PLXNA4: variants seen among roughly 807,000 people sequenced by gnomAD.
The protein encoded by PLXNA4 is plexin A4.
Under a neutral mutation model 191.8 loss-of-function variants are expected in PLXNA4, and 44 were observed. The observed-to-expected ratio is 0.23, with a 90% CI of 0.18 to 0.29. The LOEUF is 0.29. PLXNA4 is among the 10% of genes least tolerant of loss of function. The pLI, the probability that PLXNA4 is intolerant of heterozygous loss-of-function variation, is 1.00. For synonymous variants in PLXNA4, 1,082 were observed against 1,009.5 expected, an observed-to-expected ratio of 1.07 and a Z score of -1.36; for missense variants, 1,800 against 2,488.8, an observed-to-expected ratio of 0.72 and a Z score of 5.89.
rs183981628 is a variant in PLXNA4 at position 132,337,198 on chromosome 7, G to A, written c.1372-38976C>T. On this transcript the variant is annotated intron_variant, in intron 3 of 31. Transcript: ENST00000321063. ...AATAATTTCTCCCCCATAAAGGCAGGGAGAATGGCATGAGCCAAAATAGAA... is the reference window on the plus strand; with the variant it reads ...AATAATTTCTCCCCCATAAAGGCAGAGAGAATGGCATGAGCCAAAATAGAA... Among the ~76,000 whole-genome samples the A allele has an allele frequency of 3.5e-4, 53 of 152,342 alleles. 1 individual carries two copies. The highest frequency in any genetic ancestry group is 1.3e-3 in the African/African-American group (52 of 41,574).
intron 3 of PLXNA4, among the ~76,000 whole-genome samples, chr7:132,406,539 C>T (rs1794225667): frequency 6.6e-6 from 1 of 152,188 alleles, no homozygotes; most frequent in Non-Finnish European, 1.5e-5. Context: ...CCTTTGGCCT[C>T]CTAGCTTCAG....
At chr7:132,434,286 T>C (rs990372236) in intron 3 of PLXNA4, among the ~76,000 whole-genome samples, 1 of 152,214 alleles carries the variant, frequency 6.6e-6, no homozygotes, top group African/African-American at 2.4e-5. Flanking sequence ...CATGGTTTTC[T>C]GGCCACCGTA....
chr7:132,478,154 C>T (rs1563122199), intron 3 of PLXNA4, among the ~76,000 whole-genome samples: 1 of 152,044 alleles, frequency 6.6e-6, no homozygotes, highest in Non-Finnish European at 1.5e-5. Flanking sequence ...TTCAGGCCCA[C>T]CTAGGGCATA....
At position 132,181,498 on chromosome 7, in the gene PLXNA4, G is replaced by A; in HGVS notation, c.3375C>T (p.Val1125=). ...PEEFGFILDN[V]QSLLILNKTN... Reference sequence around the variant, plus strand: ...TCTTGTTGAGGATGAGCAGGGACTGGACGTTGTCCAGGATGAAGCCAAACT... The same window carrying A: ...TCTTGTTGAGGATGAGCAGGGACTGAACGTTGTCCAGGATGAAGCCAAACT... The change falls in exon 18 of 32, where the codon GTC becomes GTT. Residue 1125 remains valine (V), a synonymous_variant. Coordinates refer to ENST00000321063, the MANE Select transcript of PLXNA4 (RefSeq NM_020911.2). 6.2e-7 allele frequency: 1 copy of A among 1,614,198 alleles called. No individual in the cohort carries two copies. Among genetic ancestry groups the A allele is most frequent in the Non-Finnish European group, 8.5e-7 (1 of 1,180,042 alleles).
chr7:132,351,602 T>G (rs1415909973), intron 3 of PLXNA4, among the ~76,000 whole-genome samples: 2 of 152,176 alleles, frequency 1.3e-5, no homozygotes, highest in African/African-American at 4.8e-5. Flanking sequence ...ATACCTGCTT[T>G]GAGGTACTTC....
intron 2 of PLXNA4, among the ~76,000 whole-genome samples, chr7:132,493,541 C>T (rs1797885632): frequency 6.6e-6 from 1 of 152,116 alleles, no homozygotes; most frequent in Admixed American, 6.5e-5. Flanking sequence ...CAAATGTCCT[C>T]ATAGAATGCA....
At chr7:132,195,632 GA>G (rs147479866) in intron 13 of PLXNA4, among the ~76,000 whole-genome samples, 18 of 152,132 alleles carry the variant, frequency 1.2e-4, no homozygotes, top group Admixed American at 6.5e-5. Context: ...TATAATGGGG[GA>G]AAAAATCTCA....
At chr7:132,622,244 A>G (rs376383889) in intron 2 of PLXNA4, among the ~76,000 whole-genome samples, 2 of 152,228 alleles carry the variant, frequency 1.3e-5, no homozygotes, top group African/African-American at 4.8e-5. Context: ...GCAGAAATAC[A>G]GAGGAAAGAG....
chr7:132,185,570 C>G, intron 15 of PLXNA4, 107 bp from the exon 16 acceptor site: 1 of 1,450,112 alleles, frequency 6.9e-7, no homozygotes, highest in Non-Finnish European at 9.1e-7. Context: ...TGCTCAGAGG[C>G]CATGGGTGGG....
intron 13 of PLXNA4, among the ~76,000 whole-genome samples, chr7:132,197,298 A>G (rs943103469): frequency 2.6e-5 from 4 of 152,178 alleles, no homozygotes; most frequent in Non-Finnish European, 4.4e-5. Flanking sequence ...TCAATTATTG[A>G]ATGGTATTTC....
chr7:132,525,932 C>T (rs1487451574), intron 1 of PLXNA4, among the ~76,000 whole-genome samples: 1 of 152,184 alleles, frequency 6.6e-6, no homozygotes, highest in African/African-American at 2.4e-5. Flanking sequence ...GTTTCTCAAA[C>T]TTGTTTGACC....
At chr7:132,422,783 C>A (rs1794893384) in intron 3 of PLXNA4, among the ~76,000 whole-genome samples, 1 of 152,236 alleles carries the variant, frequency 6.6e-6, no homozygotes, top group South Asian at 2.1e-4. Flanking sequence ...CTCTCTTAAT[C>A]CTCATAATAT....
chr7:132,196,132 T>C (rs1797247675), intron 13 of PLXNA4, among the ~76,000 whole-genome samples: 1 of 152,246 alleles, frequency 6.6e-6, no homozygotes, highest in African/African-American at 2.4e-5. Context: ...GCCATTATTA[T>C]CCTCATTTTA....
chr7:132,626,890 C>T (rs946782405), intron 2 of PLXNA4, among the ~76,000 whole-genome samples: 1 of 152,130 alleles, frequency 6.6e-6, no homozygotes, highest in Admixed American at 6.5e-5. Flanking sequence ...GAGCCTGCAT[C>T]ACAGAACAAC....
intron 9 of PLXNA4, among the ~76,000 whole-genome samples, chr7:132,221,719 C>T (rs1029331815): frequency 6.6e-6 from 1 of 152,208 alleles, no homozygotes; most frequent in Non-Finnish European, 1.5e-5. Flanking sequence ...AACCACTCTC[C>T]TCCCTTTCCC....
intron 25 of PLXNA4, among the ~76,000 whole-genome samples, chr7:132,158,803 T>C (rs1795866444): frequency 6.6e-6 from 1 of 152,176 alleles, no homozygotes; most frequent in Non-Finnish European, 1.5e-5. Flanking sequence ...CCCATGAGGA[T>C]TTCCCCAGGA....
chr7:132,334,579 TAGAG>T (rs960480851), intron 3 of PLXNA4, among the ~76,000 whole-genome samples: 1 of 152,078 alleles, frequency 6.6e-6, no homozygotes, highest in African/African-American at 2.4e-5. Context: ...TTTCTTACTC[TAGAG>T]AGAGACACTG....
intron 13 of PLXNA4, among the ~76,000 whole-genome samples, chr7:132,194,815 T>C (rs1294931158): frequency 6.6e-6 from 1 of 152,182 alleles, no homozygotes; most frequent in African/African-American, 2.4e-5. Flanking sequence ...AGTCAAACAG[T>C]ACAGAGTATG....
chr7:132,440,525 C>T (rs751400197), intron 3 of PLXNA4, among the ~76,000 whole-genome samples: 10 of 152,130 alleles, frequency 6.6e-5, no homozygotes, highest in Admixed American at 4.6e-4. Flanking sequence ...TCAGAAAATC[C>T]GTACTCTCAA....
Sources: gnomAD v4.1 joint callset for allele counts (sites outside exome capture counted in the v4.1 genomes callset) on GRCh38, gnomAD v4.1.1 for gene constraint, MANE v1.5 for transcripts, NCBI Gene and HGNC (gene_info 2026-07-23, HGNC 2026-07-21) for gene names.